MAN2A1: variants seen among roughly 807,000 people sequenced by gnomAD.
MAN2A1 encodes the protein alpha-mannosidase 2.
In MAN2A1, 76 loss-of-function variants were observed where a neutral mutation model predicts 142.6. That is an observed-to-expected ratio of 0.53 (90% CI 0.44 to 0.65). The LOEUF (loss-of-function observed/expected upper bound fraction) is 0.65, where lower values mean the gene tolerates loss of function less well. Ranked by LOEUF, MAN2A1 falls within the 30% of genes least tolerant of loss-of-function variation. The pLI is 0.00. For synonymous variants in MAN2A1, 559 were observed against 473.2 expected, an observed-to-expected ratio of 1.18 and a Z score of -2.35; for missense variants, 1,311 against 1,365.1, an observed-to-expected ratio of 0.96 and a Z score of 0.62.
At chr5:109,728,844 A>C (rs964792393) in intron 3 of MAN2A1, among the ~76,000 whole-genome samples, 1 of 152,182 alleles carries the variant, frequency 6.6e-6, no homozygotes, top group African/African-American at 2.4e-5. Context: ...TGGTCTGCTG[A>C]AAGCTTTTAG....
chr5:109,694,059 GGGTT>G (rs2112535090), intron 1 of MAN2A1, among the ~76,000 whole-genome samples: 1 of 152,270 alleles, frequency 6.6e-6, no homozygotes, highest in South Asian at 2.1e-4. Flanking sequence ...GTGTATAATA[GGGTT>G]GTCTTATTAA....
At chr5:109,836,606 G>A (rs1755063043) in intron 16 of MAN2A1, among the ~76,000 whole-genome samples, 1 of 152,154 alleles carries the variant, frequency 6.6e-6, no homozygotes, top group Non-Finnish European at 1.5e-5. Context: ...AAGCCTGAGT[G>A]TTCTGTCCTC....
In MAN2A1 at chr5:109,754,477, A is replaced by G. The variant is rs57347220; in HGVS notation, c.708-852A>G. On this transcript the variant is annotated intron_variant, in intron 4 of 21. Transcript: ENST00000261483. ...CTGGGGCAAAGTACTTTATGATGTTATCTGTATTCCCAGAGTCATGTGGTA... is the reference window on the plus strand; with the variant it reads ...CTGGGGCAAAGTACTTTATGATGTTGTCTGTATTCCCAGAGTCATGTGGTA... Among the ~76,000 whole-genome samples the G allele has an allele frequency of 6.4e-3, 977 of 152,268 alleles. 15 individuals are homozygous for G. Among genetic ancestry groups the G allele is most frequent in the African/African-American group, 0.022 (913 of 41,564 alleles).
intron 12 of MAN2A1, among the ~76,000 whole-genome samples, chr5:109,813,052 G>T (rs941917598): frequency 1.2e-4 from 18 of 151,992 alleles, no homozygotes; most frequent in Non-Finnish European, 2.4e-4. Flanking sequence ...TATGTAAGTT[G>T]CTTTTAAAAT....
intron 3 of MAN2A1, among the ~76,000 whole-genome samples, chr5:109,728,580 G>A (rs1751812028): frequency 6.6e-6 from 1 of 152,128 alleles, no homozygotes; most frequent in South Asian, 2.1e-4. Context: ...GTTTCTTATA[G>A]CCAAATTGCA....
intron 3 of MAN2A1, among the ~76,000 whole-genome samples, chr5:109,718,944 C>A (rs1012804204): frequency 3.4e-5 from 5 of 146,482 alleles, no homozygotes; most frequent in Non-Finnish European, 7.5e-5. Flanking sequence ...CTTTTAAGTT[C>A]CCTCCTTCCT....
chr5:109,845,668 A>G (rs977492698), intron 17 of MAN2A1, among the ~76,000 whole-genome samples, 197 bp from the exon 18 acceptor site: 2 of 152,160 alleles, frequency 1.3e-5, no homozygotes, highest in African/African-American at 4.8e-5. Flanking sequence ...TTCCCACCTA[A>G]AAGTTGTTTT....
At chr5:109,785,096 G>C (rs937596606) in intron 10 of MAN2A1, among the ~76,000 whole-genome samples, 170 bp downstream of exon 10, 1 of 152,104 alleles carries the variant, frequency 6.6e-6, no homozygotes, top group South Asian at 2.1e-4. Context: ...TAAGAAATCT[G>C]TTGACAGAGT....
intron 7 of MAN2A1, 121 bp from the exon 8 acceptor site, chr5:109,774,665 TAC>T: frequency 1.4e-6 from 1 of 693,240 alleles, no homozygotes; most frequent in African/African-American, 1.9e-5. Flanking sequence ...AGATAAAATA[TAC>T]AGTTTCTTTT....
At chr5:109,848,842 A>G (rs1011701171) in intron 19 of MAN2A1, among the ~76,000 whole-genome samples, 8 of 152,190 alleles carry the variant, frequency 5.3e-5, no homozygotes, top group East Asian at 1.9e-4. Context: ...GTAAGCTGCT[A>G]TCCTCTTCTC....
intron 17 of MAN2A1, 136 bp from the exon 18 acceptor site, chr5:109,845,729 T>G: frequency 3.4e-6 from 2 of 579,716 alleles, no homozygotes; most frequent in South Asian, 7.0e-5. Flanking sequence ...TGTTTTAATT[T>G]TTAAATTATT....
chr5:109,817,975 G>GT (rs1473116463), intron 13 of MAN2A1, among the ~76,000 whole-genome samples: 1 of 152,056 alleles, frequency 6.6e-6, no homozygotes, highest in East Asian at 1.9e-4. Flanking sequence ...TTGTGCCAAA[G>GT]TTTCTTAAAA....
chr5:109,718,732 T>C (rs1479767713), intron 3 of MAN2A1, among the ~76,000 whole-genome samples: 1 of 152,144 alleles, frequency 6.6e-6, no homozygotes, highest in Non-Finnish European at 1.5e-5. Context: ...TTACAGCACT[T>C]TTACTTGGTC....
intron 13 of MAN2A1, among the ~76,000 whole-genome samples, chr5:109,818,377 C>G (rs1005020208): frequency 1.3e-5 from 2 of 151,992 alleles, no homozygotes; most frequent in Non-Finnish European, 2.9e-5. Flanking sequence ...ACCCCGTGAT[C>G]CACCTTCTAG....
At chr5:109,849,874 T>G (rs1342868959) in intron 19 of MAN2A1, among the ~76,000 whole-genome samples, 2 of 152,182 alleles carry the variant, frequency 1.3e-5, no homozygotes, top group Non-Finnish European at 2.9e-5. Context: ...TTGGCATGCC[T>G]TTTACTGTGT....
intron 8 of MAN2A1, among the ~76,000 whole-genome samples, chr5:109,777,579 A>G (rs1171747033): frequency 1.3e-5 from 2 of 152,130 alleles, no homozygotes; most frequent in African/African-American, 4.8e-5. Flanking sequence ...TTAATCAAAT[A>G]TAACTATTTT....
At chr5:109,703,887 A>G (rs765769120) in intron 1 of MAN2A1, among the ~76,000 whole-genome samples, 50 of 152,206 alleles carry the variant, frequency 3.3e-4, no homozygotes, top group Non-Finnish European at 5.6e-4. Flanking sequence ...AACAGGAGGT[A>G]GTTTCTGTGC....
intron 16 of MAN2A1, among the ~76,000 whole-genome samples, chr5:109,831,472 A>G (rs1263772780): frequency 2.6e-5 from 4 of 152,248 alleles, no homozygotes; most frequent in Non-Finnish European, 5.9e-5. Flanking sequence ...GAACCCCACT[A>G]TAAGGATTTG....
intron 1 of MAN2A1, among the ~76,000 whole-genome samples, chr5:109,702,905 A>G (rs573572595): frequency 3.0e-4 from 45 of 152,308 alleles, no homozygotes; most frequent in South Asian, 1.0e-3. Flanking sequence ...AGAATTTGTA[A>G]AACTTTAGAG....
Sources: gnomAD v4.1 joint callset for allele counts (sites outside exome capture counted in the v4.1 genomes callset) on GRCh38, gnomAD v4.1.1 for gene constraint, MANE v1.5 for transcripts, NCBI Gene and HGNC (gene_info 2026-07-23, HGNC 2026-07-21) for gene names.